LINGO2: variants seen among roughly 807,000 people sequenced by gnomAD.
LINGO2 encodes leucine-rich repeat and immunoglobulin-like domain-containing nogo receptor-interacting protein 2.
Under a neutral mutation model 30.6 loss-of-function variants are expected in LINGO2, and 14 were observed. The ratio of observed to expected loss-of-function variants is 0.46; its 90% CI spans 0.30 to 0.72. LINGO2 has a LOEUF of 0.72. LINGO2 is among the 30% of genes least tolerant of loss of function. The pLI is 0.07. For synonymous variants in LINGO2, 317 were observed against 288.5 expected (o/e 1.10, Z -1.00); for missense variants, 729 against 751.7 (o/e 0.97, Z 0.35).
chr9:28,009,654 C>T (rs2119231060), intron 5 of LINGO2, among the ~76,000 whole-genome samples: 1 of 152,096 alleles, frequency 6.6e-6, no homozygotes, highest in South Asian at 2.1e-4. Flanking sequence ...AAATCGAAGC[C>T]ACAATGAAAT....
chr9:28,578,062 A>T (rs187728705), intron 1 of LINGO2, among the ~76,000 whole-genome samples: 2 of 152,334 alleles, frequency 1.3e-5, no homozygotes, highest in East Asian at 3.9e-4. Flanking sequence ...ACTTTGGGGC[A>T]GAGTACATTC....
the LINGO2 span, among the ~76,000 whole-genome samples, chr9:29,104,223 A>C: frequency 6.6e-6 from 1 of 152,264 alleles, no homozygotes; most frequent in Middle Eastern, 3.4e-3. Context: ...CTCATGTTGA[A>C]TTGTAATAGC....
chr9:28,233,061 T>TATATATAATATATATATATATATATAA (rs60875467), intron 4 of LINGO2, among the ~76,000 whole-genome samples: 3 of 118,818 alleles, frequency 2.5e-5, no homozygotes, highest in African/African-American at 1.1e-4. Flanking sequence ...TATATATATA[T>TATATATAATATATATATATATATATAA]TAGATATATA....
intron 2 of LINGO2, among the ~76,000 whole-genome samples, chr9:28,434,329 A>G (rs1254624020): frequency 2.8e-5 from 3 of 108,234 alleles, no homozygotes; most frequent in Non-Finnish European, 6.4e-5. Flanking sequence ...TACTAAAATA[A>G]AAAAAATTAA....
chr9:28,754,621 T>C, the LINGO2 span, among the ~76,000 whole-genome samples: 2 of 151,760 alleles, frequency 1.3e-5, no homozygotes, highest in Non-Finnish European at 1.5e-5. Context: ...TTTATCTGTT[T>C]ATCTGTTTCT....
chr9:28,638,635 A>G (rs1301194154), intron 1 of LINGO2, among the ~76,000 whole-genome samples: 2 of 152,068 alleles, frequency 1.3e-5, no homozygotes, highest in Non-Finnish European at 2.9e-5. Context: ...CTCTGATGGT[A>G]GTTTGTATTT....
chr9:28,941,728 T>C, the LINGO2 span, among the ~76,000 whole-genome samples: 1 of 152,192 alleles, frequency 6.6e-6, no homozygotes, highest in African/African-American at 2.4e-5. Context: ...GTGTATAATT[T>C]TAAAGAATAT....
At chr9:29,130,043 A>C in the LINGO2 span, among the ~76,000 whole-genome samples, 1 of 152,174 alleles carries the variant, frequency 6.6e-6, no homozygotes, top group Admixed American at 6.5e-5. Flanking sequence ...TAACCAATTT[A>C]AGTGAGATAG....
At chr9:28,415,745 C>G (rs1822942166) in intron 2 of LINGO2, among the ~76,000 whole-genome samples, 1 of 152,104 alleles carries the variant, frequency 6.6e-6, no homozygotes, top group Non-Finnish European at 1.5e-5. Flanking sequence ...CCATCCGTAC[C>G]TTTACAGAAA....
chr9:28,368,901 T>G (rs1026708866), intron 3 of LINGO2, among the ~76,000 whole-genome samples: 21 of 152,058 alleles, frequency 1.4e-4, no homozygotes, highest in African/African-American at 5.1e-4. Context: ...CAGCCTAGAG[T>G]GCCTTCTTTC....
At chr9:28,618,760 G>C (rs1826254374) in intron 1 of LINGO2, among the ~76,000 whole-genome samples, 2 of 151,946 alleles carry the variant, frequency 1.3e-5, no homozygotes, top group Admixed American at 6.6e-5. Context: ...GAGACACCAA[G>C]TTACTAAAAT....
chr9:28,835,017 C>A, the LINGO2 span, among the ~76,000 whole-genome samples: 1 of 152,068 alleles, frequency 6.6e-6, no homozygotes, highest in African/African-American at 2.4e-5. Context: ...CATAGCCAAA[C>A]AGGTAGAATT....
chr9:28,148,604 T>C lies in LINGO2; in HGVS notation c.-86-136199A>G, dbSNP rs1266475516. ...TTCCTCCTGGTACAATCCCAGGCCC[T>C]TGGAGGGAAATGTCCACCTCAAGAG... On this transcript the variant is annotated intron_variant, in intron 4 of 5. Transcript: ENST00000379992. The surrounding 1 kb of genome is among the most constrained non-coding windows in gnomAD (Gnocchi z 5.1). The C allele has an allele frequency of 1.7e-5, 26 of 1,513,650 alleles. No homozygotes were observed. The highest frequency in any genetic ancestry group is 2.1e-5 in the Non-Finnish European group (24 of 1,127,902). The allele number at this position is 1,513,650 out of a possible 1,614,324, so 93.8% of individuals were successfully genotyped here.
At chr9:29,086,048 T>G in the LINGO2 span, among the ~76,000 whole-genome samples, 4 of 152,144 alleles carry the variant, frequency 2.6e-5, no homozygotes, top group Non-Finnish European at 5.9e-5. Context: ...TGGGAAAGGA[T>G]GCTATGCCTA....
intron 4 of LINGO2, among the ~76,000 whole-genome samples, chr9:28,241,101 T>C (rs1443154188): frequency 1.3e-5 from 2 of 151,382 alleles, no homozygotes; most frequent in East Asian, 3.9e-4. Context: ...AAACCCCGTC[T>C]CTACTAAAAA....
At chr9:28,298,499 C>CAAA (rs113910404) in intron 3 of LINGO2, among the ~76,000 whole-genome samples, 13 of 112,406 alleles carry the variant, frequency 1.2e-4, no homozygotes, top group South Asian at 8.2e-4. Flanking sequence ...CTGTCTCTAC[C>CAAA]AAAAAAAAAA....
At chr9:28,663,156 T>G (rs1419936137) in intron 1 of LINGO2, among the ~76,000 whole-genome samples, 1 of 152,106 alleles carries the variant, frequency 6.6e-6, no homozygotes, top group African/African-American at 2.4e-5. Flanking sequence ...CATATTGAGG[T>G]GCAGTTGTAT....
intron 1 of LINGO2, among the ~76,000 whole-genome samples, chr9:28,637,137 T>C (rs759744369): frequency 2.6e-5 from 4 of 152,176 alleles, no homozygotes; most frequent in Non-Finnish European, 4.4e-5. Flanking sequence ...GTTGTAGATA[T>C]GTGGCATTAT....
chr9:29,157,633 G>T, the LINGO2 span, among the ~76,000 whole-genome samples: 2 of 152,090 alleles, frequency 1.3e-5, no homozygotes, highest in Admixed American at 6.5e-5. Context: ...GATATAAGTG[G>T]ACAAGTAAGT....
Sources: allele counts gnomAD v4.1 joint callset (sites outside exome capture counted in the v4.1 genomes callset), GRCh38; gene constraint gnomAD v4.1.1; non-coding constraint Gnocchi (gnomAD v3.1); transcripts MANE v1.5; gene names NCBI Gene and HGNC (gene_info 2026-07-23, HGNC 2026-07-21).